The following SHTN1 variants were observed in gnomAD, a reference collection of about 807,000 sequenced individuals.
SHTN1 encodes the protein shootin-1.
SHTN1 carries 42 observed loss-of-function variants against 83.1 expected under a neutral mutation model. The ratio of observed to expected loss-of-function variants is 0.51; its 90% confidence interval spans 0.39 to 0.65. The LOEUF (loss-of-function observed/expected upper bound fraction) is 0.65. Among genes scored for constraint, SHTN1 ranks in the 30% least tolerant of loss-of-function variants. The pLI is 0.00. For synonymous variants in SHTN1, 224 were observed against 247.7 expected, an observed-to-expected ratio of 0.90 and a Z score of 0.90; for missense variants, 622 against 737.8, an observed-to-expected ratio of 0.84 and a Z score of 1.82.
At chr10:117,007,754 T>C (rs1325039968), upstream of SHTN1, among the ~76,000 whole-genome samples, 1 of 151,810 alleles carries the variant, frequency 6.6e-6, no homozygotes, top group African/African-American at 2.4e-5. Flanking sequence ...TTTAATAATA[T>C]ACAGAGTGAT....
intron 1 of SHTN1, among the ~76,000 whole-genome samples, chr10:117,119,630 G>A (rs933590174): frequency 5.9e-5 from 9 of 152,118 alleles, no homozygotes; most frequent in Non-Finnish European, 8.8e-5. Flanking sequence ...GAGAACAGTA[G>A]AGCTACCATA....
intron 1 of SHTN1, among the ~76,000 whole-genome samples, chr10:117,076,808 C>T (rs1049684283): frequency 9.9e-5 from 15 of 152,152 alleles, no homozygotes; most frequent in African/African-American, 2.9e-4. Context: ...GTCATACAGA[C>T]GCCTCTGAAT....
intron 1 of SHTN1, among the ~76,000 whole-genome samples, chr10:117,056,306 T>C (rs1488837628): frequency 6.6e-6 from 1 of 151,958 alleles, no homozygotes; most frequent in African/African-American, 2.4e-5. Flanking sequence ...GACATAACAA[T>C]CCTCAACAAA....
intron 12 of SHTN1, among the ~76,000 whole-genome samples, chr10:116,916,189 AAAAT>A (rs1361844499): frequency 8.5e-5 from 13 of 152,294 alleles, no homozygotes; most frequent in South Asian, 2.1e-4. Flanking sequence ...TGCTGCAAAA[AAAAT>A]AAATAAATAA....
chr10:116,942,328 TCAGCCTCCCAA>T (rs1235805289), intron 8 of SHTN1, among the ~76,000 whole-genome samples: 1 of 151,938 alleles, frequency 6.6e-6, no homozygotes, highest in Non-Finnish European at 1.5e-5. Context: ...TTCTCGTGCC[TCAGCCTCCCAA>T]GTAGCTGGGA....
At chr10:116,906,283 T>C (rs1387453901) in intron 15 of SHTN1, among the ~76,000 whole-genome samples, 5 of 152,218 alleles carry the variant, frequency 3.3e-5, no homozygotes, top group Admixed American at 2.0e-4. Flanking sequence ...ACAAGAGAAC[T>C]AGGACTCAAA....
At chr10:116,952,506 A>G (rs1849812627) in intron 5 of SHTN1, among the ~76,000 whole-genome samples, 3 of 152,244 alleles carry the variant, frequency 2.0e-5, no homozygotes, top group Admixed American at 6.5e-5. Flanking sequence ...GATTCAAAAT[A>G]TAACTATTTG....
intron 16 of SHTN1, among the ~76,000 whole-genome samples, chr10:116,892,572 C>A (rs552927279): frequency 6.6e-6 from 1 of 152,168 alleles, no homozygotes; most frequent in Non-Finnish European, 1.5e-5. Context: ...CTGCCATGCA[C>A]AAAATACTTG....
At chr10:117,083,251 C>T (rs1488239198) in intron 1 of SHTN1, among the ~76,000 whole-genome samples, 1 of 136,448 alleles carries the variant, frequency 7.3e-6, no homozygotes, top group African/African-American at 2.6e-5. Flanking sequence ...AATCTCTCAG[C>T]ATTTGCTTGT....
chr10:117,051,701 AC>A, intron 1 of SHTN1, among the ~76,000 whole-genome samples: 1 of 151,666 alleles, frequency 6.6e-6, no homozygotes, highest in East Asian at 1.9e-4. Flanking sequence ...CTTTGACAAA[AC>A]CCAACACCCT....
intron 1 of SHTN1, among the ~76,000 whole-genome samples, chr10:117,070,944 G>A (rs1853071595): frequency 6.6e-6 from 1 of 151,852 alleles, no homozygotes; most frequent in African/African-American, 2.4e-5. Context: ...TTGCATAGAT[G>A]TTGGTTTTAT....
chr10:116,989,890 T>C (rs539097169), intron 1 of SHTN1, among the ~76,000 whole-genome samples: 2 of 152,244 alleles, frequency 1.3e-5, no homozygotes, highest in Non-Finnish European at 2.9e-5. Flanking sequence ...TACCAACTTA[T>C]GAGGCTTGAG....
chr10:116,938,691 G>A (rs546792264), intron 9 of SHTN1, among the ~76,000 whole-genome samples: 56 of 152,328 alleles, frequency 3.7e-4, no homozygotes, highest in African/African-American at 1.2e-3. Flanking sequence ...GAGCTCAAGC[G>A]CTGCGCTGGG....
At chr10:117,039,332 G>A (rs1270934185) in intron 2 of SHTN1, among the ~76,000 whole-genome samples, 3 of 152,182 alleles carry the variant, frequency 2.0e-5, no homozygotes, top group African/African-American at 7.2e-5. Context: ...ATGGGGTGGT[G>A]AGGGATGAAT....
At chr10:116,990,709 C>A (rs1349699967) in intron 1 of SHTN1, among the ~76,000 whole-genome samples, 1 of 151,918 alleles carries the variant, frequency 6.6e-6, no homozygotes, top group East Asian at 1.9e-4. Flanking sequence ...CCAAACACAC[C>A]CCATGGGCAG....
intron 1 of SHTN1, among the ~76,000 whole-genome samples, chr10:117,114,927 C>T (rs1031709608): frequency 4.6e-5 from 7 of 152,124 alleles, no homozygotes; most frequent in South Asian, 2.1e-4. Flanking sequence ...TCAGGAGGAC[C>T]GGGTTCTAGC....
At position 116,908,555 on chromosome 10, in the gene SHTN1, A is replaced by T. The variant is rs112098201; in HGVS notation, c.1360-1808T>A. Among the ~76,000 whole-genome samples, 806 of 152,330 alleles carry T rather than the reference A, an allele frequency of 5.3e-3. 7 individuals carry two copies. The highest frequency in any genetic ancestry group is 0.019 in the African/African-American group (770 of 41,584). On this transcript the variant is annotated intron_variant, in intron 14 of 16. Coordinates refer to ENST00000355371, the MANE Select transcript of SHTN1 (RefSeq NM_001127211.3). Reference sequence around the variant, plus strand: ...TACCATCTCTATCATTTGTAAACAGATATTTGAAAAACACATGGTCATCAC... The same window carrying T: ...TACCATCTCTATCATTTGTAAACAGTTATTTGAAAAACACATGGTCATCAC...
intron 4 of SHTN1, among the ~76,000 whole-genome samples, chr10:116,957,786 G>A (rs930719514): frequency 5.9e-5 from 9 of 151,954 alleles, no homozygotes; most frequent in Admixed American, 1.3e-4. Flanking sequence ...GGAACTGGGC[G>A]CAGTGGCTCA....
chr10:117,065,086 C>G (rs1341823202), intron 1 of SHTN1, among the ~76,000 whole-genome samples: 1 of 152,094 alleles, frequency 6.6e-6, no homozygotes, highest in African/African-American at 2.4e-5. Flanking sequence ...TGTTCTCACT[C>G]ATAAGTGGGA....
Sources: gnomAD v4.1 joint callset for allele counts (sites outside exome capture counted in the v4.1 genomes callset) on GRCh38, gnomAD v4.1.1 for gene constraint, MANE v1.5 for transcripts, NCBI Gene and HGNC (gene_info 2026-07-23, HGNC 2026-07-21) for gene names.